Variants in PTPRG observed in about 807,000 individuals in gnomAD.
PTPRG encodes protein tyrosine phosphatase receptor type G, also known as receptor-type tyrosine-protein phosphatase gamma.
In PTPRG, 102 loss-of-function variants were observed where a neutral mutation model predicts 165.3. That is an observed-to-expected ratio of 0.62 (90% CI 0.53 to 0.73). The LOEUF (loss-of-function observed/expected upper bound fraction) is 0.73, where lower values mean the gene tolerates loss of function less well. Ranked by LOEUF, PTPRG falls within the 30% of genes least tolerant of loss-of-function variation. The probability of loss-of-function intolerance (pLI) is 0.00; values close to 1 mark genes in which losing one functional copy is unlikely to be tolerated. For synonymous variants in PTPRG, 675 were observed against 669.5 expected (o/e 1.01, Z -0.13); for missense variants, 1,866 against 1,861.4 (o/e 1.00, Z -0.05).
At chr3:62,264,962 A>T (rs1054363848) in intron 17 of PTPRG, among the ~76,000 whole-genome samples, 24 of 45,126 alleles carry the variant, frequency 5.3e-4, no homozygotes, top group African/African-American at 2.2e-3. Flanking sequence ...TTACTATTTA[A>T]AAAAAAAAAA....
At chr3:61,952,074 C>T (rs900789107) in intron 2 of PTPRG, among the ~76,000 whole-genome samples, 39 of 143,354 alleles carry the variant, frequency 2.7e-4, no homozygotes, top group Non-Finnish European at 5.1e-4. Flanking sequence ...GCTGAGATCA[C>T]GCCACAGCAC....
chr3:61,871,804 C>T (rs545918931), intron 2 of PTPRG, among the ~76,000 whole-genome samples: 2 of 152,212 alleles, frequency 1.3e-5, no homozygotes, highest in Admixed American at 1.3e-4. Context: ...CCAGGCAACA[C>T]GGCCTGCTTG....
intron 4 of PTPRG, among the ~76,000 whole-genome samples, chr3:62,026,236 T>TTA (rs1198756677): frequency 6.6e-6 from 1 of 152,228 alleles, no homozygotes; most frequent in Non-Finnish European, 1.5e-5. Context: ...TTGATTAGCC[T>TTA]TAGTCTTTCT....
chr3:61,664,245 C>T (rs942652122), intron 1 of PTPRG, among the ~76,000 whole-genome samples: 1 of 152,136 alleles, frequency 6.6e-6, no homozygotes, highest in Non-Finnish European at 1.5e-5. Flanking sequence ...TAGTGTCACG[C>T]CCCTCGCATT....
intron 2 of PTPRG, among the ~76,000 whole-genome samples, chr3:61,947,850 T>A (rs2039801165): frequency 6.6e-6 from 1 of 152,166 alleles, no homozygotes; most frequent in Non-Finnish European, 1.5e-5. Flanking sequence ...TTGCCAAGTG[T>A]GAATGTCTGC....
intron 2 of PTPRG, among the ~76,000 whole-genome samples, chr3:61,962,148 C>A (rs1370635748): frequency 6.6e-6 from 1 of 152,106 alleles, no homozygotes; most frequent in Non-Finnish European, 1.5e-5. Flanking sequence ...CTTCTCTAAG[C>A]CTAAGAAATA....
In PTPRG at chr3:62,190,322, A is replaced by G. The variant is rs368846435; in HGVS notation, c.1034-1147A>G. On this transcript the variant is annotated intron_variant, in intron 8 of 29. Transcript: ENST00000474889. The surrounding 1 kb of genome is among the most constrained non-coding windows in gnomAD (Gnocchi z 5.2). ...AAGGCATTGTCTAGCTCAAGAGGTC[A>G]TGGGTGCTGAGGGTGAGAACCCCTG... Among the ~76,000 whole-genome samples the G allele has an allele frequency of 6.6e-6, 1 of 152,212 alleles. No individual in the cohort carries two copies. The highest frequency in any genetic ancestry group is 6.5e-5 in the Admixed American group (1 of 15,286).
chr3:61,763,669 C>A (rs1035832223), intron 2 of PTPRG, among the ~76,000 whole-genome samples: 1 of 152,072 alleles, frequency 6.6e-6, no homozygotes, highest in Non-Finnish European at 1.5e-5. Flanking sequence ...CTGTACCCAG[C>A]CCATTTTCAG....
intron 1 of PTPRG, among the ~76,000 whole-genome samples, chr3:61,654,206 C>T (rs938448234): frequency 2.0e-5 from 3 of 152,128 alleles, no homozygotes; most frequent in African/African-American, 7.2e-5. Flanking sequence ...TGGGGCTGCT[C>T]TTGTGCTTTA....
chr3:61,570,726 A>G (rs1700035557), intron 1 of PTPRG, among the ~76,000 whole-genome samples: 1 of 152,212 alleles, frequency 6.6e-6, no homozygotes, highest in African/African-American at 2.4e-5. Flanking sequence ...TTAGTGAGGA[A>G]ATATTACTGA....
intron 2 of PTPRG, among the ~76,000 whole-genome samples, chr3:61,933,338 T>G (rs2039406787): frequency 1.3e-5 from 2 of 152,198 alleles, no homozygotes; most frequent in Non-Finnish European, 2.9e-5. Flanking sequence ...TCTTTTTTGC[T>G]CTCAACTATT....
chr3:61,813,588 TGTGTTTA>T (rs1165669797), intron 2 of PTPRG, among the ~76,000 whole-genome samples: 2 of 147,222 alleles, frequency 1.4e-5, no homozygotes, highest in East Asian at 4.0e-4. Context: ...TGTGTGTGTG[TGTGTTTA>T]GTTGTACTGG....
intron 1 of PTPRG, among the ~76,000 whole-genome samples, chr3:61,572,242 G>A (rs940202099): frequency 6.6e-6 from 1 of 152,090 alleles, no homozygotes; most frequent in Non-Finnish European, 1.5e-5. Flanking sequence ...CTATGTTTTT[G>A]TTTGTTTGTT....
At chr3:62,073,874 G>A (rs935236222) in intron 4 of PTPRG, among the ~76,000 whole-genome samples, 2 of 152,162 alleles carry the variant, frequency 1.3e-5, no homozygotes, top group African/African-American at 4.8e-5. Context: ...TGAAGATGGG[G>A]TTGGAAGAGG....
rs1172805990 is a variant in PTPRG at position 62,195,845 on chromosome 3, G to T, written c.1327+675G>T. ...GTCTCGCTCTGTTGCCCAAGCTGGAGTGCAGTGGGGTGGTGTTGGCTCACT... is the reference window on the plus strand; with the variant it reads ...GTCTCGCTCTGTTGCCCAAGCTGGATTGCAGTGGGGTGGTGTTGGCTCACT... On this transcript the variant is annotated intron_variant, in intron 10 of 29. Transcript: ENST00000474889. This position sits in a 1 kb window ranked among gnomAD's most constrained non-coding sequence, Gnocchi z 4.4. Among the ~76,000 whole-genome samples the T allele has an allele frequency of 6.6e-6, 1 of 152,144 alleles. No homozygotes were observed. Among genetic ancestry groups the T allele is most frequent in the Non-Finnish European group, 1.5e-5 (1 of 68,022 alleles).
chr3:61,691,170 T>G (rs2030180843), intron 1 of PTPRG, among the ~76,000 whole-genome samples: 1 of 152,098 alleles, frequency 6.6e-6, no homozygotes, highest in African/African-American at 2.4e-5. Context: ...CCCAGCACTT[T>G]GAGAGGCTGA....
At chr3:62,263,028 C>G in intron 17 of PTPRG, 134 bp downstream of exon 17, 1 of 660,524 alleles carries the variant, frequency 1.5e-6, no homozygotes, top group East Asian at 2.8e-5. Flanking sequence ...TCTCATTAGC[C>G]CATCTTCAAC....
chr3:61,738,049 C>T (rs562411602), intron 1 of PTPRG, among the ~76,000 whole-genome samples: 1 of 150,410 alleles, frequency 6.6e-6, no homozygotes, highest in Non-Finnish European at 1.5e-5. Context: ...GTTGGGACTA[C>T]AGGCGCCCGC....
intron 8 of PTPRG, among the ~76,000 whole-genome samples, chr3:62,185,390 T>A (rs1705838177): frequency 6.6e-6 from 1 of 152,210 alleles, no homozygotes; most frequent in South Asian, 2.1e-4. Context: ...TCTATCAGAC[T>A]TCCCTTTGTT....
Sources: allele counts gnomAD v4.1 joint callset (sites outside exome capture counted in the v4.1 genomes callset), GRCh38; gene constraint gnomAD v4.1.1; non-coding constraint Gnocchi (gnomAD v3.1); transcripts MANE v1.5; gene names NCBI Gene and HGNC (gene_info 2026-07-23, HGNC 2026-07-21).